Variants in RALY observed in about 807,000 individuals in gnomAD.
The protein encoded by RALY is RNA-binding protein Raly.
RALY carries 15 observed loss-of-function variants against 30.7 expected under a neutral mutation model. The observed-to-expected ratio is 0.49, with a 90% CI of 0.33 to 0.75. The LOEUF (loss-of-function observed/expected upper bound fraction) is 0.75. Among genes scored for constraint, RALY ranks in the 30% least tolerant of loss-of-function variants. RALY has a pLI of 0.02. For missense variants in RALY, 339 were observed against 414.3 expected (o/e 0.82, Z 1.58); for synonymous variants, 177 against 170.8 (o/e 1.04, Z -0.28).
chr20:34,017,019 T>C (rs1272392123), intron 1 of RALY, among the ~76,000 whole-genome samples: 2 of 141,818 alleles, frequency 1.4e-5, no homozygotes, highest in Non-Finnish European at 3.1e-5. Context: ...ACAGTTCTGC[T>C]GGTGTAGCCC....
chr20:34,006,743 G>A (rs1308087928), intron 1 of RALY, among the ~76,000 whole-genome samples: 1 of 152,158 alleles, frequency 6.6e-6, no homozygotes, highest in Non-Finnish European at 1.5e-5. Flanking sequence ...TGTAGCCTAG[G>A]AGCAACTATA....
chr20:34,006,579 CAGCCAG>C (rs2031167575), intron 1 of RALY, among the ~76,000 whole-genome samples: 1 of 152,196 alleles, frequency 6.6e-6, no homozygotes, highest in African/African-American at 2.4e-5. Context: ...AGAGATGTTT[CAGCCAG>C]TGATGGGCCA....
intron 2 of RALY, among the ~76,000 whole-genome samples, chr20:34,069,595 C>G (rs1028690802): frequency 6.6e-6 from 1 of 152,200 alleles, no homozygotes; most frequent in African/African-American, 2.4e-5. Context: ...CTATTAACTT[C>G]TTGTATACCC....
chr20:34,050,296 A>G (rs544447480), intron 2 of RALY, among the ~76,000 whole-genome samples: 1 of 152,348 alleles, frequency 6.6e-6, no homozygotes, highest in Non-Finnish European at 1.5e-5. Flanking sequence ...AGTTCGGTTC[A>G]AACAATTCTT....
At chr20:34,031,874 C>G (rs1201950197) in intron 2 of RALY, among the ~76,000 whole-genome samples, 1 of 152,190 alleles carries the variant, frequency 6.6e-6, no homozygotes, top group Non-Finnish European at 1.5e-5. Flanking sequence ...TAGCTGCTTT[C>G]TGCTGGGATG....
At chr20:34,061,058 A>G (rs963696417) in intron 2 of RALY, among the ~76,000 whole-genome samples, 1 of 152,208 alleles carries the variant, frequency 6.6e-6, no homozygotes, top group Non-Finnish European at 1.5e-5. Flanking sequence ...AAGACAGAAA[A>G]TGAGAAAACC....
In RALY at chr20:34,002,111, A is replaced by C. The variant is rs1479654277; in HGVS notation, c.-93+7980A>C. ...TGAAGCATTAATTTAAGGCTTTGGA[A>C]TTTTGTTTTTGCGGATACCTGTAAG... On this transcript the variant is annotated intron_variant, in intron 1 of 9. Transcript: ENST00000246194. 1.3e-5 allele frequency among the ~76,000 whole-genome samples: 2 copies of C among 152,152 alleles called. 1 individual carries two copies. Among genetic ancestry groups the C allele is most frequent in the Admixed American group, 1.3e-4 (2 of 15,274 alleles).
chr20:34,029,428 ACT>A (rs1489763009), intron 1 of RALY, among the ~76,000 whole-genome samples: 2 of 136,264 alleles, frequency 1.5e-5, no homozygotes, highest in Non-Finnish European at 3.1e-5. Flanking sequence ...ACAGAGTGAG[ACT>A]CTGTTGCAAA....
At chr20:34,055,076 C>A (rs1165147002) in intron 2 of RALY, among the ~76,000 whole-genome samples, 1 of 152,032 alleles carries the variant, frequency 6.6e-6, no homozygotes, top group Non-Finnish European at 1.5e-5. Context: ...AATGAGAAAA[C>A]CAGGCACAGA....
At chr20:34,043,556 T>C (rs966288351) in intron 2 of RALY, among the ~76,000 whole-genome samples, 10 of 152,218 alleles carry the variant, frequency 6.6e-5, no homozygotes, top group African/African-American at 2.2e-4. Flanking sequence ...ATGAAACCTC[T>C]AAAATCTAAT....
At chr20:34,035,760 G>T (rs1356088009) in intron 2 of RALY, among the ~76,000 whole-genome samples, 3 of 152,158 alleles carry the variant, frequency 2.0e-5, no homozygotes, top group African/African-American at 7.2e-5. Context: ...TTTTCTCTCT[G>T]TAGTTTACGT....
chr20:34,024,744 A>G (rs996535617), intron 1 of RALY, among the ~76,000 whole-genome samples: 2 of 152,010 alleles, frequency 1.3e-5, no homozygotes, highest in Non-Finnish European at 2.9e-5. Flanking sequence ...TCCTGGCTGC[A>G]TTTTTTATTA....
chr20:34,014,576 AGTT>A (rs1340571722), intron 1 of RALY, among the ~76,000 whole-genome samples: 4 of 152,262 alleles, frequency 2.6e-5, no homozygotes, highest in African/African-American at 7.2e-5. Context: ...GTTTAACTGG[AGTT>A]GTTGTCAAGT....
chr20:34,046,901 C>T (rs2032901639), intron 2 of RALY, among the ~76,000 whole-genome samples: 1 of 150,954 alleles, frequency 6.6e-6, no homozygotes, highest in African/African-American at 2.4e-5. Context: ...CTCACTGCAG[C>T]CTCCACCTCT....
At chr20:34,070,805 G>A (rs2033705260) in intron 2 of RALY, among the ~76,000 whole-genome samples, 3 of 152,186 alleles carry the variant, frequency 2.0e-5, no homozygotes, top group African/African-American at 7.2e-5. Flanking sequence ...AGTGCCTGGT[G>A]AGGCTTTGTG....
intron 1 of RALY, among the ~76,000 whole-genome samples, chr20:33,996,501 T>C (rs1041475052): frequency 2.6e-5 from 4 of 152,140 alleles, no homozygotes; most frequent in African/African-American, 9.7e-5. Context: ...TATCCCTGTT[T>C]TATAGAAGAA....
chr20:34,007,807 C>T (rs951586139), intron 1 of RALY, among the ~76,000 whole-genome samples: 21 of 101,166 alleles, frequency 2.1e-4, no homozygotes, highest in South Asian at 3.8e-4. Flanking sequence ...GCAATAAGAG[C>T]GAAACTCCGT....
rs573076888 is a variant in RALY at position 34,084,079 on chromosome 20, T to G, written c.*4174T>G. Reference sequence around the variant, plus strand: ...TTACAGAAACTGAATTCAGTCCTGCTTAGTGGGAGGAAGTTTATTGGCTCA... The same window carrying G: ...TTACAGAAACTGAATTCAGTCCTGCGTAGTGGGAGGAAGTTTATTGGCTCA... On this transcript the variant is annotated 3_prime_UTR_variant, in exon 10 of 10. Transcript: ENST00000246194. 2 of 152,198 alleles carry G rather than the reference T, an allele frequency of 1.3e-5. No individual in the cohort carries two copies. The highest frequency in any genetic ancestry group is 2.9e-5 in the Non-Finnish European group (2 of 68,034). 9.4% of individuals were successfully genotyped at this position (152,198 alleles called of 1,614,324 possible).
intron 2 of RALY, among the ~76,000 whole-genome samples, chr20:34,042,042 C>G (rs1338290557): frequency 1.3e-5 from 2 of 152,040 alleles, no homozygotes; most frequent in African/African-American, 4.8e-5. Context: ...GATTGCCATC[C>G]CGGCGGGTGG....
Sources: allele counts gnomAD v4.1 joint callset (sites outside exome capture counted in the v4.1 genomes callset), GRCh38; gene constraint gnomAD v4.1.1; transcripts MANE v1.5; gene names NCBI Gene and HGNC (gene_info 2026-07-23, HGNC 2026-07-21).